Variants in PRMT9 observed in about 807,000 individuals in gnomAD.
PRMT9 encodes protein arginine methyltransferase 9, also known as protein arginine N-methyltransferase 9.
Under a neutral mutation model 83.2 loss-of-function variants are expected in PRMT9, and 59 were observed. The observed-to-expected ratio is 0.71, with a 90% confidence interval of 0.57 to 0.88. The LOEUF (loss-of-function observed/expected upper bound fraction) is 0.88, where lower values mean the gene tolerates loss of function less well. Ranked by LOEUF, PRMT9 falls within the 40% of genes least tolerant of loss-of-function variation. The pLI is 0.00. For synonymous variants in PRMT9, 333 were observed against 353.2 expected (o/e 0.94, Z 0.64); for missense variants, 947 against 1,021.9 (o/e 0.93, Z 1.00).
chr4:147,657,848 C>A lies in PRMT9; in HGVS notation c.1274G>T (p.Ser425Ile). Residue 425 changes from serine (S) to isoleucine (I), a missense_variant, in exon 8 of 12, where the codon AGT becomes ATT. Physicochemically the swap from Ser to Ile is moderately radical, Grantham distance 142 (BLOSUM62 -2). Transcript: ENST00000322396. ...QLDDEHSLST[S>I]PSEETCWEQA... is the part of the protein sequence containing the mutation. ...TTCCCAACATGTTTCCTCACTAGGA[C>A]TTGTGGATAAACTATGTTCATCATC... 1 of 1,611,446 alleles carries A rather than the reference C, an allele frequency of 6.2e-7. No homozygotes were observed. The highest frequency in any genetic ancestry group is 8.5e-7 in the Non-Finnish European group (1 of 1,179,660).
intron 1 of PRMT9, among the ~76,000 whole-genome samples, chr4:147,681,249 C>T (rs1736450091): frequency 6.6e-6 from 1 of 152,188 alleles, no homozygotes; most frequent in South Asian, 2.1e-4. Flanking sequence ...ACCTCCTCTC[C>T]ATTCCCACAG....
In PRMT9 at chr4:147,638,256, A is replaced by T; in HGVS notation, c.*276T>A. The T allele has an allele frequency of 2.4e-6, 1 of 423,498 alleles. No individual in the cohort carries two copies. Among genetic ancestry groups the T allele is most frequent in the Non-Finnish European group, 4.3e-6 (1 of 231,806 alleles). 26.2% of individuals were successfully genotyped at this position (423,498 alleles called of 1,614,324 possible). A position where few individuals can be genotyped will look rare whatever the true frequency, so the allele number is the denominator to read the frequency against. On this transcript the variant is annotated 3_prime_UTR_variant, in exon 12 of 12. Coordinates refer to ENST00000322396, the MANE Select transcript of PRMT9 (RefSeq NM_138364.4). ...TTACTTACACATGTCAATAACGATA[A>T]GACTTTTAAAATCCCTATTCTGTAA... is the stretch of plus-strand genomic sequence containing the variant.
chr4:147,664,893 T>C (rs904256419), intron 6 of PRMT9, among the ~76,000 whole-genome samples: 15 of 151,778 alleles, frequency 9.9e-5, no homozygotes, highest in African/African-American at 3.6e-4. Context: ...GGCAAGCAGA[T>C]CACCTGAGGT....
chr4:147,668,696 G>A, intron 5 of PRMT9, 51 bp from the exon 6 acceptor site: 1 of 1,008,574 alleles, frequency 9.9e-7, no homozygotes, highest in Non-Finnish European at 1.6e-6. Context: ...GTAAAAATGT[G>A]TGTGCATAAT....
At chr4:147,650,836 C>T (rs1274239572) in intron 9 of PRMT9, among the ~76,000 whole-genome samples, 1 of 152,168 alleles carries the variant, frequency 6.6e-6, no homozygotes, top group African/African-American at 2.4e-5. Flanking sequence ...GGCACGGTGG[C>T]TCATGCCTGT....
At chr4:147,663,415 T>C (rs1367172107) in intron 6 of PRMT9, among the ~76,000 whole-genome samples, 1 of 152,026 alleles carries the variant, frequency 6.6e-6, no homozygotes, top group Non-Finnish European at 1.5e-5. Context: ...CAGGCTGGAG[T>C]ACAAAGGTGT....
At chr4:147,673,960 T>G (rs958449148) in intron 2 of PRMT9, 86 bp from the exon 3 acceptor site, 1 of 1,128,604 alleles carries the variant, frequency 8.9e-7, no homozygotes, top group African/African-American at 1.5e-5. Context: ...TCACTTGGCC[T>G]GGGAATTCCA....
At chr4:147,669,944 A>G (rs1481221319) in intron 5 of PRMT9, among the ~76,000 whole-genome samples, 5 of 152,148 alleles carry the variant, frequency 3.3e-5, no homozygotes. Context: ...CAAACCAGCT[A>G]TTACTATACT....
intron 7 of PRMT9, among the ~76,000 whole-genome samples, chr4:147,660,185 T>C (rs1734861225): frequency 6.6e-6 from 1 of 152,236 alleles, no homozygotes; most frequent in Admixed American, 6.5e-5. Context: ...GGGGGGAAAT[T>C]ATTTAATGTG....
At chr4:147,664,585 T>C (rs556840628) in intron 6 of PRMT9, among the ~76,000 whole-genome samples, 20 of 152,100 alleles carry the variant, frequency 1.3e-4, no homozygotes, top group Non-Finnish European at 2.2e-4. Flanking sequence ...TTACTGTTGA[T>C]GTTAGCTTTA....
intron 10 of PRMT9, among the ~76,000 whole-genome samples, chr4:147,641,497 T>C (rs1243622700): frequency 1.3e-5 from 2 of 152,200 alleles, no homozygotes; most frequent in East Asian, 1.9e-4. Flanking sequence ...TAAAATAGTA[T>C]ATCCCATACG....
At chr4:147,665,263 A>G (rs1418526145) in intron 6 of PRMT9, among the ~76,000 whole-genome samples, 2 of 152,064 alleles carry the variant, frequency 1.3e-5, no homozygotes, top group South Asian at 2.1e-4. Flanking sequence ...TTGATTTAGG[A>G]TCTATTGATG....
intron 9 of PRMT9, among the ~76,000 whole-genome samples, chr4:147,650,715 A>G (rs1734036328): frequency 6.6e-6 from 1 of 152,242 alleles, no homozygotes; most frequent in Non-Finnish European, 1.5e-5. Flanking sequence ...GAGGCCTCAC[A>G]CTTCCTGACC....
At chr4:147,652,712 A>T (rs1578890924) in intron 9 of PRMT9, among the ~76,000 whole-genome samples, 1 of 71,832 alleles carries the variant, frequency 1.4e-5, no homozygotes, top group South Asian at 6.2e-4. Flanking sequence ...CCCCGTGTCT[A>T]AAAAAAAAAA....
chr4:147,649,416 T>A (rs1040461933), intron 9 of PRMT9, among the ~76,000 whole-genome samples: 24 of 151,984 alleles, frequency 1.6e-4, no homozygotes, highest in African/African-American at 5.3e-4. Context: ...CATGGTTTTT[T>A]AAAAAAACAA....
At chr4:147,677,065 T>G (rs898091342) in intron 2 of PRMT9, among the ~76,000 whole-genome samples, 10 of 150,446 alleles carry the variant, frequency 6.6e-5, no homozygotes, top group Non-Finnish European at 1.3e-4. Flanking sequence ...AAAAAAAACT[T>G]AATATAACCA....
At chr4:147,677,385 T>C (rs1736157700) in intron 2 of PRMT9, among the ~76,000 whole-genome samples, 1 of 151,876 alleles carries the variant, frequency 6.6e-6, no homozygotes, top group African/African-American at 2.4e-5. Context: ...TACTACTTTG[T>C]TTATATTTTC....
At chr4:147,646,271 A>T (rs1246765791) in intron 9 of PRMT9, among the ~76,000 whole-genome samples, 1 of 152,200 alleles carries the variant, frequency 6.6e-6, no homozygotes, top group Non-Finnish European at 1.5e-5. Context: ...TGAAGATCAG[A>T]TCTAATTTTC....
intron 1 of PRMT9, 65 bp downstream of exon 1, chr4:147,683,720 CTTTTTTTTTTTTCT>C: frequency 3.3e-5 from 35 of 1,049,830 alleles, no homozygotes; most frequent in Middle Eastern, 3.4e-4. Flanking sequence ...AGCCCCTCCG[CTTTTTTTTTTTTCT>C]GTTTTTTTTT....
Sources: gnomAD v4.1 joint callset for allele counts (sites outside exome capture counted in the v4.1 genomes callset) on GRCh38, gnomAD v4.1.1 for gene constraint, MANE v1.5 for transcripts, NCBI Gene and HGNC (gene_info 2026-07-23, HGNC 2026-07-21) for gene names.